Variants in DENND1B observed in about 807,000 individuals in gnomAD.
The protein encoded by DENND1B is DENN domain containing 1B.
DENND1B carries 59 observed loss-of-function variants against 90.1 expected under a neutral mutation model. The ratio of observed to expected loss-of-function variants is 0.65; its 90% CI spans 0.53 to 0.81. The LOEUF (loss-of-function observed/expected upper bound fraction) is 0.81, where lower values mean the gene tolerates loss of function less well. Among genes scored for constraint, DENND1B ranks in the 40% least tolerant of loss-of-function variants. The probability of loss-of-function intolerance (pLI) is 0.00; values close to 1 mark genes in which losing one functional copy is unlikely to be tolerated. For missense variants in DENND1B, 862 were observed against 912.6 expected, an observed-to-expected ratio of 0.94 and a Z score of 0.71; for synonymous variants, 337 against 324.6, an observed-to-expected ratio of 1.04 and a Z score of -0.41.
intron 6 of DENND1B, among the ~76,000 whole-genome samples, chr1:197,653,582 T>TA (rs1167412798): frequency 6.6e-6 from 1 of 152,108 alleles, no homozygotes; most frequent in Non-Finnish European, 1.5e-5. Flanking sequence ...ATTACAGATT[T>TA]ATTTCTGGTT....
chr1:197,623,064 A>C (rs1678320301), intron 10 of DENND1B, among the ~76,000 whole-genome samples: 1 of 151,310 alleles, frequency 6.6e-6, no homozygotes, highest in Non-Finnish European at 1.5e-5. Context: ...CCTCTGTATC[A>C]CCTATCTAGA....
chr1:197,635,946 T>C (rs1041448833), intron 10 of DENND1B, among the ~76,000 whole-genome samples: 23 of 150,640 alleles, frequency 1.5e-4, no homozygotes, highest in African/African-American at 5.1e-4. Flanking sequence ...AAGAGACAGA[T>C]ACATTGTAGT....
At chr1:197,672,345 T>C (rs1655600298) in intron 4 of DENND1B, among the ~76,000 whole-genome samples, 189 bp from the exon 5 acceptor site, 1 of 152,076 alleles carries the variant, frequency 6.6e-6, no homozygotes, top group South Asian at 2.1e-4. Context: ...AAATAAGTTG[T>C]AATACCTCAT....
At chr1:197,546,569 T>C (rs959549649) in intron 17 of DENND1B, among the ~76,000 whole-genome samples, 164 bp downstream of exon 17, 32 of 152,232 alleles carry the variant, frequency 2.1e-4, no homozygotes, top group African/African-American at 7.0e-4. Context: ...TTAATGAGTA[T>C]CAACAAACTA....
At chr1:197,650,637 T>C (rs1275486658) in intron 7 of DENND1B, among the ~76,000 whole-genome samples, 1 of 151,936 alleles carries the variant, frequency 6.6e-6, no homozygotes, top group Non-Finnish European at 1.5e-5. Context: ...AATCAACAAG[T>C]GGATAAAGAA....
At chr1:197,658,148 G>T in intron 6 of DENND1B, 152 bp downstream of exon 6, 1 of 678,744 alleles carries the variant, frequency 1.5e-6, no homozygotes, top group Non-Finnish European at 2.6e-6. Flanking sequence ...GTTTTAGACT[G>T]GCAAGGAAAA....
intron 20 of DENND1B, among the ~76,000 whole-genome samples, chr1:197,520,441 T>C (rs1360291524): frequency 1.3e-5 from 2 of 151,948 alleles, no homozygotes; most frequent in Admixed American, 6.6e-5. Flanking sequence ...TTAATACTGA[T>C]AAGTAGTGTC....
intron 2 of DENND1B, among the ~76,000 whole-genome samples, chr1:197,728,567 C>T (rs1467452696): frequency 6.6e-6 from 1 of 152,156 alleles, no homozygotes; most frequent in Admixed American, 6.5e-5. Context: ...ACGCCTTCAT[C>T]CTCTACGTCT....
intron 15 of DENND1B, 40 bp downstream of exon 15, chr1:197,583,112 T>C (rs1333867529): frequency 1.3e-6 from 2 of 1,531,568 alleles, no homozygotes; most frequent in Admixed American, 1.7e-5. Context: ...AAACTGACAA[T>C]GTTGTCTTAC....
intron 3 of DENND1B, among the ~76,000 whole-genome samples, chr1:197,696,649 A>G (rs1398157914): frequency 6.6e-6 from 1 of 151,594 alleles, no homozygotes; most frequent in African/African-American, 2.4e-5. Flanking sequence ...AAGGTGAAAC[A>G]CCACTCTTAA....
upstream of DENND1B, among the ~76,000 whole-genome samples, chr1:197,777,744 C>G (rs908561517): frequency 6.6e-6 from 1 of 152,100 alleles, no homozygotes; most frequent in African/African-American, 2.4e-5. Flanking sequence ...AGTCAAAGAA[C>G]ATAGTCTGTA....
intron 3 of DENND1B, among the ~76,000 whole-genome samples, chr1:197,693,609 T>TA (rs1462989573): frequency 6.6e-6 from 1 of 151,724 alleles, no homozygotes. Context: ...TGGACTCTTT[T>TA]AGCTGTCTCT....
At position 197,603,741 on chromosome 1, in the gene DENND1B, CT is replaced by C. The variant is rs201658495; in HGVS notation, c.921+3331del. Among the ~76,000 whole-genome samples the C allele has an allele frequency of 5.9e-3, 895 of 151,032 alleles. 13 individuals carry two copies. Among genetic ancestry groups the C allele is most frequent in the African/African-American group, 0.02 (838 of 41,348 alleles). On this transcript the variant is annotated intron_variant, in intron 13 of 22. Coordinates refer to ENST00000620048, the MANE Select transcript of DENND1B (RefSeq NM_001195215.2). ...TGAAATAGTAACAACCTCCAAATTG[CT>C]TTTTTAAAACGTTAATGATAAAAAT...
At chr1:197,619,624 C>T (rs1011694821) in intron 10 of DENND1B, among the ~76,000 whole-genome samples, 3 of 150,936 alleles carry the variant, frequency 2.0e-5, no homozygotes, top group African/African-American at 7.3e-5. Context: ...ATATTTAATA[C>T]CTCACTTTAT....
intron 2 of DENND1B, among the ~76,000 whole-genome samples, chr1:197,758,960 A>ATTTTTTTTTTTTTTTTTTTTTT (rs759108636): frequency 1.0e-5 from 1 of 97,850 alleles, no homozygotes; most frequent in African/African-American, 3.7e-5. Flanking sequence ...TACTTCATTA[A>ATTTTTTTTTTTTTTTTTTTTTT]TTTTTTTTTT....
intron 2 of DENND1B, among the ~76,000 whole-genome samples, chr1:197,731,357 T>C (rs757036315): frequency 4.6e-5 from 7 of 152,200 alleles, no homozygotes; most frequent in Non-Finnish European, 7.3e-5. Context: ...ATTTGTTGTA[T>C]ATTCTAATAC....
At chr1:197,514,621 C>T (rs1668271981) in intron 20 of DENND1B, among the ~76,000 whole-genome samples, 1 of 151,498 alleles carries the variant, frequency 6.6e-6, no homozygotes, top group Non-Finnish European at 1.5e-5. Flanking sequence ...ATAAGATTGG[C>T]CATGAGTTGA....
At chr1:197,554,298 A>C (rs886206867) in intron 15 of DENND1B, among the ~76,000 whole-genome samples, 16 of 152,086 alleles carry the variant, frequency 1.1e-4, no homozygotes, top group East Asian at 3.9e-4. Context: ...GGAAAGATTT[A>C]CATGCTTTTT....
rs1467620804 is a variant in DENND1B, at chr1:197,656,552, G to A, written c.366+1748C>T. On this transcript the variant is annotated intron_variant, in intron 6 of 22. Transcript: ENST00000620048. Reference sequence around the variant, plus strand: ...AAACATCAAAGAATGGCCAGGCTTGGTAGATGGGAAGCAGAGGCAGGAAGA... The same window carrying A: ...AAACATCAAAGAATGGCCAGGCTTGATAGATGGGAAGCAGAGGCAGGAAGA... 2.0e-5 allele frequency among the ~76,000 whole-genome samples: 3 copies of A among 152,062 alleles called. No individual in the cohort carries two copies. In the East Asian group the frequency reaches 5.8e-4, roughly 29 times the overall value.
Sources: allele counts gnomAD v4.1 joint callset (sites outside exome capture counted in the v4.1 genomes callset), GRCh38; gene constraint gnomAD v4.1.1; transcripts MANE v1.5; gene names NCBI Gene and HGNC (gene_info 2026-07-23, HGNC 2026-07-21).